DIS3: variants seen among roughly 807,000 people sequenced by gnomAD.
DIS3 encodes exosome complex exonuclease RRP44.
In DIS3, 103 loss-of-function variants were observed where a neutral mutation model predicts 113.0. The observed-to-expected ratio is 0.91, with a 90% confidence interval of 0.78 to 1.07. The LOEUF is 1.07. Among genes scored for constraint, DIS3 ranks in the 50% least tolerant of loss-of-function variants. The pLI, the probability that DIS3 is intolerant of heterozygous loss-of-function variation, is 0.00. For missense variants in DIS3, 1,121 were observed against 1,167.1 expected, an observed-to-expected ratio of 0.96 and a Z score of 0.58; for synonymous variants, 402 against 394.3, an observed-to-expected ratio of 1.02 and a Z score of -0.23.
chr13:72,780,750 T>C, intron 2 of DIS3, 96 bp downstream of exon 2: 1 of 1,175,490 alleles, frequency 8.5e-7, no homozygotes, highest in South Asian at 1.5e-5. Flanking sequence ...ATCTATCACT[T>C]ATCTTCTGAC....
intron 2 of DIS3, among the ~76,000 whole-genome samples, chr13:72,778,798 C>A (rs2034085361): frequency 6.6e-6 from 1 of 152,082 alleles, no homozygotes; most frequent in African/African-American, 2.4e-5. Context: ...ATAATTAGAT[C>A]ATTTATAATC....
chr13:72,767,141 T>C (rs1000487398), intron 14 of DIS3, among the ~76,000 whole-genome samples: 3 of 152,166 alleles, frequency 2.0e-5, no homozygotes, highest in African/African-American at 7.2e-5. Context: ...ATTAATACTT[T>C]AGAAGGCAAA....
rs1205192570 is a variant in DIS3 at position 72,776,001 on chromosome 13, C to A, written c.746G>T (p.Gly249Val). ...QGIKSGTYLQ[G>V]TFRASRENYL... ...ATTTTCCCTGCTAGCTCTAAATGTT[C>A]CTTGAAGGTATGTACCAGATTTTAT... The change falls in exon 5 of 21, where the codon GGA becomes GTA. Residue 249 changes from glycine to valine, a missense_variant. Around this residue, in one of 3 missense-constraint regions of DIS3, gnomAD observed 861 missense variants for 915.5 expected, o/e 0.94. Transcript: ENST00000377767. 5 of 1,611,450 alleles carry A rather than the reference C, an allele frequency of 3.1e-6. No individual in the cohort carries two copies. In the East Asian group the frequency reaches 1.1e-4, roughly 36 times the overall value.
At chr13:72,771,625 G>A (rs1304921501) in intron 11 of DIS3, among the ~76,000 whole-genome samples, 170 bp downstream of exon 11, 1 of 152,074 alleles carries the variant, frequency 6.6e-6, no homozygotes, top group Non-Finnish European at 1.5e-5. Flanking sequence ...TCTTCCCCTT[G>A]ACTTTCACAA....
rs775861313 is a variant in DIS3, at chr13:72,757,168, G to GA, written c.*2626dup. 1 of 151,480 alleles carries GA rather than the reference G, an allele frequency of 6.6e-6. No individual in the cohort carries two copies. The highest frequency in any genetic ancestry group is 1.5e-5 in the Non-Finnish European group (1 of 67,948). The allele number at this position is 151,480 out of a possible 1,614,324, so 9.4% of individuals were successfully genotyped here. A position where few individuals can be genotyped will look rare whatever the true frequency, so the allele number is the denominator to read the frequency against. On this transcript the variant is annotated 3_prime_UTR_variant, in exon 21 of 21. Coordinates refer to ENST00000377767, the MANE Select transcript of DIS3 (RefSeq NM_014953.5). ...AAGCACAAGAAAATAAACTTGGAAA[G>GA]AAAAAACCTAAGGCCAGTCATGCAC...
At chr13:72,779,615 A>C (rs1158708876) in intron 2 of DIS3, among the ~76,000 whole-genome samples, 1 of 152,200 alleles carries the variant, frequency 6.6e-6, no homozygotes, top group Non-Finnish European at 1.5e-5. Flanking sequence ...AGAATCAAGA[A>C]AGTTGAGATA....
chr13:72,758,182 C>T lies in DIS3; in HGVS notation c.*1613G>A, dbSNP rs2181772. 0.99 allele frequency: 179,742 copies of T among 180,730 alleles called. 89,388 individuals carry two copies. The highest frequency in any genetic ancestry group is 1 in the Middle Eastern group (484 of 484). 11.2% of individuals were successfully genotyped at this position (180,730 alleles called of 1,614,324 possible). Reference sequence around the variant, plus strand: ...CAAATACTTAGCACTGTGTTACAACCGCCTACAGTAATCAGTACAGTAATA... The same window carrying T: ...CAAATACTTAGCACTGTGTTACAACTGCCTACAGTAATCAGTACAGTAATA... On this transcript the variant is annotated 3_prime_UTR_variant, in exon 21 of 21. Coordinates refer to ENST00000377767, the MANE Select transcript of DIS3 (RefSeq NM_014953.5).
Position 72,773,797 on chromosome 13 carries a change from C to A in DIS3, c.1126G>T (p.Ala376Ser). 2 of 1,613,798 alleles carry A rather than the reference C, an allele frequency of 1.2e-6. No homozygotes were observed. Among genetic ancestry groups the A allele is most frequent in the Non-Finnish European group, 1.7e-6 (2 of 1,179,912 alleles). The stretch of plus-strand genomic sequence containing the variant: ...CGAATTCGAGGGATTCTCTTATCAG[C>A]AGGTGTAAAGAGATGTCTTCTTGAC... ...KESRRHLFTP[A>S]DKRIPRIRIE... is the part of the protein sequence containing the mutation. Residue 376 changes from alanine (A) to serine (S), a missense_variant, in exon 8 of 21, where the codon GCT (alanine) becomes TCT (serine). Coordinates refer to ENST00000377767, the MANE Select transcript of DIS3 (RefSeq NM_014953.5).
chr13:72,763,207 G>A (rs1278944098), intron 16 of DIS3, among the ~76,000 whole-genome samples: 1 of 152,042 alleles, frequency 6.6e-6, no homozygotes, highest in African/African-American at 2.4e-5. Flanking sequence ...AGGCTGAGGC[G>A]GGAGGATGGC....
chr13:72,781,276 C>G, intron 1 of DIS3: 4 of 1,551,152 alleles, frequency 2.6e-6, no homozygotes, highest in Non-Finnish European at 3.5e-6. Flanking sequence ...GTTTTTTGTT[C>G]CTAGGCACTT....
In DIS3 at chr13:72,772,282, G is replaced by A. The variant is rs540191098; in HGVS notation, c.1387-7C>T. On this transcript the variant is annotated splice_polypyrimidine_tract_variant and splice_region_variant and intron_variant, in intron 9 of 20. Coordinates refer to ENST00000377767, the MANE Select transcript of DIS3 (RefSeq NM_014953.5). ...CTTCTCGGTTTTTCATGTCCTAGAA[G>A]ACATGAAATGATAAACAAATAAATT... 1 of 1,575,418 alleles carries A rather than the reference G, an allele frequency of 6.3e-7. No homozygotes were observed. Among genetic ancestry groups the A allele is most frequent in the Non-Finnish European group, 8.7e-7 (1 of 1,155,492 alleles).
Position 72,753,627 on chromosome 13 carries a change from CTTAT to C in DIS3, c.*6164_*6167del, listed in dbSNP as rs1349482508. The C allele has an allele frequency of 7.3e-6, 11 of 1,504,858 alleles. No individual in the cohort carries two copies. The African/African-American group carries it at 1.5e-4, about 21-fold the overall frequency. 93.2% of individuals were successfully genotyped at this position (1,504,858 alleles called of 1,614,324 possible). On this transcript the variant is annotated 3_prime_UTR_variant, in exon 21 of 21. Transcript: ENST00000377767. ...GTGAATGAGAGTTTATAGTGGTTTA[CTTAT>C]TTAAATATTTGACTTTTAAGTTCCT...
At position 72,772,701 on chromosome 13, in the gene DIS3, T is replaced by C. The variant is rs1169519170; in HGVS notation, c.1378A>G (p.Thr460Ala). The C allele has an allele frequency of 1.2e-6, 2 of 1,607,118 alleles. No individual in the cohort carries two copies. Among genetic ancestry groups the C allele is most frequent in the Non-Finnish European group, 1.7e-6 (2 of 1,178,224 alleles). ...SFLPKMPWSI[T>A]EKDMKNREDL... ...AATTACTTTCAACTTACCTTTTCAG[T>C]AATGCTCCAGGGCATCTTTGGCAGA... The change falls in exon 9 of 21, where the codon ACT becomes GCT. Residue 460 changes from threonine (T) to alanine (A), a missense_variant. This residue lies in a region of DIS3 where 861 missense variants were observed against 915.5 expected (regional missense o/e 0.94). Coordinates refer to ENST00000377767, the MANE Select transcript of DIS3 (RefSeq NM_014953.5).
intron 3 of DIS3, among the ~76,000 whole-genome samples, 200 bp downstream of exon 3, chr13:72,777,987 G>A (rs994890692): frequency 3.3e-5 from 5 of 152,142 alleles, no homozygotes; most frequent in Non-Finnish European, 5.9e-5. Context: ...TGCAAATAGT[G>A]AGGGGAAAAT....
chr13:72,771,190 A>T, intron 11 of DIS3, 45 bp from the exon 12 acceptor site: 1 of 1,467,962 alleles, frequency 6.8e-7, no homozygotes, highest in Non-Finnish European at 9.5e-7. Context: ...AGCCATAACC[A>T]TACATTTATG....
At chr13:72,765,686 AT>A (rs35022505) in intron 15 of DIS3, among the ~76,000 whole-genome samples, 2 of 152,030 alleles carry the variant, frequency 1.3e-5, no homozygotes, top group East Asian at 1.9e-4. Flanking sequence ...AATTGGGGTA[AT>A]TTTTTTTATC....
At chr13:72,775,077 T>C in intron 6 of DIS3, 134 bp downstream of exon 6, 1 of 962,326 alleles carries the variant, frequency 1.0e-6, no homozygotes, top group Non-Finnish European at 1.5e-6. Flanking sequence ...AAACCATGTG[T>C]ATGACATGCG....
rs1172522627 is a variant in DIS3 at position 72,781,648 on chromosome 13, T to A, written c.185A>T (p.Gln62Leu). ...AGTGTCGGGCAGCAAGTAGTGCGGTTGCGGGCAGACGCTGCTCGCCGGGTC... is the reference window on the plus strand; with the variant it reads ...AGTGTCGGGCAGCAAGTAGTGCGGTAGCGGGCAGACGCTGCTCGCCGGGTC... ...PQDPASSVCP[Q>L]PHYLLPDTNV... The change falls in exon 1 of 21, where the codon CAA becomes CTA. Residue 62 changes from glutamine (Q) to leucine (L), a missense_variant. By Grantham distance (113) the Gln-to-Leu change is moderately radical. Coordinates refer to ENST00000377767, the MANE Select transcript of DIS3 (RefSeq NM_014953.5). The A allele has an allele frequency of 1.3e-6, 2 of 1,544,652 alleles. No homozygotes were observed. The highest frequency in any genetic ancestry group is 1.7e-6 in the Non-Finnish European group (2 of 1,143,968).
At chr13:72,779,445 GAC>G (rs2034100714) in intron 2 of DIS3, among the ~76,000 whole-genome samples, 1 of 152,076 alleles carries the variant, frequency 6.6e-6, no homozygotes, top group Admixed American at 6.6e-5. Context: ...ATCAGTGAAA[GAC>G]ACAGTCATAA....
Sources: gnomAD v4.1 joint callset for allele counts (sites outside exome capture counted in the v4.1 genomes callset) on GRCh38, gnomAD v4.1.1 for gene constraint, gnomAD v4.1.1 regional missense constraint, MANE v1.5 for transcripts, NCBI Gene and HGNC (gene_info 2026-07-23, HGNC 2026-07-21) for gene names.